The following BANP variants were observed in gnomAD, a reference collection of about 807,000 sequenced individuals.
The protein encoded by BANP is protein BANP.
BANP carries 11 observed loss-of-function variants against 68.1 expected under a neutral mutation model. The ratio of observed to expected loss-of-function variants is 0.16; its 90% CI spans 0.10 to 0.27. The LOEUF (loss-of-function observed/expected upper bound fraction) is 0.27, where lower values mean the gene tolerates loss of function less well. Among genes scored for constraint, BANP ranks in the 10% least tolerant of loss-of-function variants. The pLI is 1.00. For missense variants in BANP, 504 were observed against 722.7 expected (o/e 0.70, Z 3.47); for synonymous variants, 329 against 303.2 (o/e 1.09, Z -0.88).
intron 11 of BANP, among the ~76,000 whole-genome samples, chr16:88,058,194 C>G (rs1165897783): frequency 6.6e-6 from 1 of 152,180 alleles, no homozygotes. Context: ...GTTGAGGTGC[C>G]TGAAAGAGAA....
At chr16:88,043,744 T>A (rs1028184674) in intron 11 of BANP, among the ~76,000 whole-genome samples, 9 of 152,162 alleles carry the variant, frequency 5.9e-5, no homozygotes, top group African/African-American at 2.2e-4. Flanking sequence ...CAGAGATTCA[T>A]AGAGGGAGAG....
intron 1 of BANP, among the ~76,000 whole-genome samples, chr16:87,970,631 C>G (rs1240871089): frequency 6.6e-6 from 1 of 152,088 alleles, no homozygotes; most frequent in Admixed American, 6.5e-5. Flanking sequence ...CCCTTTCAAC[C>G]CAGTGAAGTT....
At chr16:88,021,449 A>T (rs1384234216) in intron 7 of BANP, among the ~76,000 whole-genome samples, 1 of 152,136 alleles carries the variant, frequency 6.6e-6, no homozygotes, top group Non-Finnish European at 1.5e-5. Flanking sequence ...GTGACTTTGC[A>T]TGAGGAAGGC....
In BANP at chr16:88,027,511, A is replaced by G. The variant is rs375832068; in HGVS notation, c.924A>G (p.Thr308=). ...ACCTTTTCTATAAATTTGGCATCAC[A>G]GAATCCGACTGGTACCGAATCAAGC... The part of the protein sequence containing the change: ...RCHLFYKFGI[T]ESDWYRIKQS... The change falls in exon 8 of 14, where the codon ACA becomes ACG. Residue 308 remains threonine (T), a synonymous_variant. Coordinates refer to ENST00000682872, the MANE Select transcript of BANP (RefSeq NM_001386991.1). The G allele has an allele frequency of 2.4e-5, 39 of 1,613,708 alleles. No homozygotes were observed. The African/African-American group carries it at 4.8e-4, about 20-fold the overall frequency.
At chr16:88,015,100 C>T (rs62049280) in intron 6 of BANP, among the ~76,000 whole-genome samples, 1 of 124,506 alleles carries the variant, frequency 8.0e-6, no homozygotes, top group African/African-American at 3.3e-5. Flanking sequence ...CCCCTCTGCC[C>T]GTCCCTCTGC....
chr16:87,967,173 C>T (rs926315771), intron 1 of BANP, among the ~76,000 whole-genome samples: 1 of 151,506 alleles, frequency 6.6e-6, no homozygotes, highest in African/African-American at 2.4e-5. Context: ...CTGGCACCGG[C>T]AGCTAGGACT....
intron 2 of BANP, among the ~76,000 whole-genome samples, chr16:87,978,949 C>A (rs1260224882): frequency 6.6e-6 from 1 of 152,156 alleles, no homozygotes; most frequent in Non-Finnish European, 1.5e-5. Context: ...CTAAAATTGA[C>A]TACAAAAACA....
chr16:87,958,373 C>G (rs186478692), intron 1 of BANP, among the ~76,000 whole-genome samples: 7 of 152,298 alleles, frequency 4.6e-5, no homozygotes, highest in Admixed American at 2.0e-4. Context: ...GGGTAGGTAT[C>G]GACTCAGGAA....
intron 6 of BANP, among the ~76,000 whole-genome samples, chr16:88,014,166 C>G (rs1411650799): frequency 6.6e-6 from 1 of 152,166 alleles, no homozygotes; most frequent in Non-Finnish European, 1.5e-5. Context: ...GACGAGGCCA[C>G]TGGTTGTGGA....
At position 88,064,615 on chromosome 16, in the gene BANP, C is replaced by T. The variant is rs574512480; in HGVS notation, c.1312-652C>T. On this transcript the variant is annotated intron_variant, in intron 11 of 13. Coordinates refer to ENST00000682872, the MANE Select transcript of BANP (RefSeq NM_001386991.1). The surrounding 1 kb of genome is among the most constrained non-coding windows in gnomAD (Gnocchi z 4.5). The stretch of plus-strand genomic sequence containing the variant: ...CTGTGTGGCACCACGTGGCACTCCC[C>T]GAGGAGGCCTGGGGACCCCTCCTGG... Among the ~76,000 whole-genome samples, 194 of 152,352 alleles carry T rather than the reference C, an allele frequency of 1.3e-3. 1 individual carries two copies. The highest frequency in any genetic ancestry group is 4.2e-3 in the African/African-American group (175 of 41,588).
rs911523525 is a variant in BANP at position 88,020,479 on chromosome 16, C to T, written c.895+1812C>T. Among the ~76,000 whole-genome samples the T allele has an allele frequency of 5.9e-5, 9 of 152,192 alleles. No individual in the cohort carries two copies. In the South Asian group the frequency reaches 1.2e-3, roughly 21 times the overall value. The stretch of plus-strand genomic sequence containing the variant: ...TGTGGAGTGCGTTGAGATATATAGA[C>T]GAATGAGAAATGGCCCTGATGGCAG... On this transcript the variant is annotated intron_variant, in intron 7 of 13. Coordinates refer to ENST00000682872, the MANE Select transcript of BANP (RefSeq NM_001386991.1).
At chr16:88,009,798 G>T (rs574666870) in intron 6 of BANP, among the ~76,000 whole-genome samples, 1 of 151,924 alleles carries the variant, frequency 6.6e-6, no homozygotes, top group African/African-American at 2.4e-5. Context: ...ATTGAAAGCA[G>T]GGAACAGTAG....
intron 6 of BANP, among the ~76,000 whole-genome samples, chr16:88,009,419 G>A (rs764014984): frequency 6.6e-5 from 10 of 152,172 alleles, no homozygotes; most frequent in Non-Finnish European, 1.3e-4. Context: ...ATTTCAAAAC[G>A]GTTATTTCTT....
intron 11 of BANP, among the ~76,000 whole-genome samples, chr16:88,051,896 A>G (rs1225833926): frequency 1.3e-5 from 2 of 152,242 alleles, no homozygotes; most frequent in African/African-American, 4.8e-5. Context: ...TATCGTTTGC[A>G]TTCCATTCAT....
chr16:87,990,802 G>C (rs111949752), intron 4 of BANP, among the ~76,000 whole-genome samples: 1 of 151,780 alleles, frequency 6.6e-6, no homozygotes, highest in African/African-American at 2.4e-5. Context: ...TCCCTCTGTC[G>C]CCCAGGCTGG....
chr16:87,973,748 C>T (rs1344955684), intron 1 of BANP, among the ~76,000 whole-genome samples: 2 of 37,800 alleles, frequency 5.3e-5, no homozygotes, highest in African/African-American at 3.2e-4. Flanking sequence ...AGCAAAACTC[C>T]ATCACAAAAA....
chr16:87,975,619 G>T (rs539470134), intron 2 of BANP, among the ~76,000 whole-genome samples: 1 of 68,830 alleles, frequency 1.5e-5, no homozygotes, highest in Admixed American at 1.3e-4. Flanking sequence ...GTAATCCCCT[G>T]TGTGCGGCGT....
chr16:87,981,546 C>T (rs1285129397), intron 3 of BANP, among the ~76,000 whole-genome samples: 1 of 152,208 alleles, frequency 6.6e-6, no homozygotes, highest in Non-Finnish European at 1.5e-5. Context: ...GCACAGTTTC[C>T]AAAGAGACCA....
chr16:87,950,943 G>A (rs1567552244), upstream of BANP: 2 of 152,292 alleles, frequency 1.3e-5, no homozygotes, highest in Non-Finnish European at 2.9e-5. Flanking sequence ...ACCCGCTGGG[G>A]GCGCACAGCC....
Sources: gnomAD v4.1 joint callset for allele counts (sites outside exome capture counted in the v4.1 genomes callset) on GRCh38, gnomAD v4.1.1 for gene constraint, Gnocchi (gnomAD v3.1) non-coding constraint, MANE v1.5 for transcripts, NCBI Gene and HGNC (gene_info 2026-07-23, HGNC 2026-07-21) for gene names.